The following USP24 variants were observed in gnomAD, a reference collection of about 807,000 sequenced individuals.
The protein encoded by USP24 is ubiquitin carboxyl-terminal hydrolase 24.
Under a neutral mutation model 361.6 loss-of-function variants are expected in USP24, and 97 were observed. The observed-to-expected ratio is 0.27, with a 90% CI of 0.23 to 0.32. USP24 has a LOEUF of 0.32. Among genes scored for constraint, USP24 ranks in the 10% least tolerant of loss-of-function variants. USP24 has a pLI of 1.00. For synonymous variants in USP24, 1,098 were observed against 1,124.6 expected, an observed-to-expected ratio of 0.98 and a Z score of 0.47; for missense variants, 2,353 against 3,165.6, an observed-to-expected ratio of 0.74 and a Z score of 6.16.
intron 51 of USP24, 146 bp from the exon 52 acceptor site, chr1:55,094,233 A>G: frequency 4.0e-6 from 3 of 758,526 alleles, no homozygotes; most frequent in Non-Finnish European, 6.0e-6. Context: ...CCACATAAAT[A>G]TATACAATCA....
At chr1:55,114,497 A>T (rs1646047630) in intron 38 of USP24, among the ~76,000 whole-genome samples, 1 of 152,198 alleles carries the variant, frequency 6.6e-6, no homozygotes, top group African/African-American at 2.4e-5. Context: ...AAACTATACT[A>T]CAAGGCTACA....
rs960030052 is a variant in USP24, at chr1:55,078,613, C to T, written c.7239G>A (p.Leu2413=). ...AGTACACTACCATCTCAATGAGTGC[C>T]AAGAGCGAGCCTGTCAGCTCCCGCA... ...FALRELTGSL[L]ALIEMVVYCC... is the part of the protein sequence containing the mutation. Residue 2413 remains leucine (L), a synonymous_variant, in exon 61 of 68, where the codon TTG becomes TTA. Coordinates refer to ENST00000294383, the MANE Select transcript of USP24 (RefSeq NM_015306.3). The T allele has an allele frequency of 1.2e-6, 2 of 1,611,100 alleles. No homozygotes were observed. Among genetic ancestry groups the T allele is most frequent in the African/African-American group, 2.7e-5 (2 of 74,824 alleles).
intron 43 of USP24, among the ~76,000 whole-genome samples, chr1:55,101,261 A>G (rs1645626914): frequency 6.6e-6 from 1 of 152,246 alleles, no homozygotes; most frequent in African/African-American, 2.4e-5. Context: ...ATATTATTGT[A>G]AAGTGCTCAT....
At chr1:55,159,140 G>T in intron 9 of USP24, 104 bp from the exon 10 acceptor site, 1 of 1,056,820 alleles carries the variant, frequency 9.5e-7, no homozygotes, top group Non-Finnish European at 1.3e-6. Flanking sequence ...TGGTCTGGCA[G>T]TATCTGATAT....
At chr1:55,108,112 T>C (rs1645842755) in intron 39 of USP24, among the ~76,000 whole-genome samples, 1 of 151,770 alleles carries the variant, frequency 6.6e-6, no homozygotes, top group South Asian at 2.1e-4. Context: ...GGTAGAAGGG[T>C]ATAAGGAGAA....
At chr1:55,171,527 A>G (rs748212530) in intron 5 of USP24, 29 bp downstream of exon 5, 2 of 1,582,864 alleles carry the variant, frequency 1.3e-6, no homozygotes, top group South Asian at 1.2e-5. Flanking sequence ...ACATTTTTCT[A>G]TAAAAAGATG....
intron 1 of USP24, among the ~76,000 whole-genome samples, chr1:55,193,613 T>C (rs150227445): frequency 4.4e-4 from 67 of 152,132 alleles, no homozygotes; most frequent in Middle Eastern, 3.4e-3. Flanking sequence ...AGGAGAGATA[T>C]GGTAAAGGGG....
intron 1 of USP24, among the ~76,000 whole-genome samples, chr1:55,206,092 T>C (rs1644695496): frequency 6.6e-6 from 1 of 152,214 alleles, no homozygotes. Context: ...GGCTGAATAC[T>C]CTTTCAAATA....
intron 44 of USP24, 119 bp downstream of exon 44, chr1:55,100,718 TAC>T (rs1291266781): frequency 9.1e-7 from 1 of 1,094,294 alleles, no homozygotes; most frequent in South Asian, 2.7e-5. Context: ...CAAATCCTTT[TAC>T]AGTTTCTTGG....
rs1395079221 is a variant in USP24, at chr1:55,147,222, G to A, written c.2119-162C>T. 2.0e-5 allele frequency among the ~76,000 whole-genome samples: 3 copies of A among 152,186 alleles called. No homozygotes were observed. The East Asian group carries it at 5.8e-4, about 29-fold the overall frequency. ...TTAGAATTCTGTTTACAAATTGATA[G>A]TACAATGTAATAGAAGCTATCTATC... On this transcript the variant is annotated intron_variant, in intron 18 of 67. Coordinates refer to ENST00000294383, the MANE Select transcript of USP24 (RefSeq NM_015306.3).
chr1:55,191,487 G>A (rs1644285427), intron 1 of USP24, among the ~76,000 whole-genome samples: 2 of 126,308 alleles, frequency 1.6e-5, no homozygotes, highest in Non-Finnish European at 1.6e-5. Flanking sequence ...GATCAATATG[G>A]CACTTTCTTT....
At chr1:55,123,269 A>G (rs1191156781) in intron 36 of USP24, among the ~76,000 whole-genome samples, 178 bp downstream of exon 36, 6 of 152,224 alleles carry the variant, frequency 3.9e-5, no homozygotes, top group African/African-American at 1.4e-4. Flanking sequence ...AAGGTGCTCA[A>G]TAAATATTTC....
At chr1:55,155,916 C>A (rs916281986) in intron 12 of USP24, among the ~76,000 whole-genome samples, 9 of 152,190 alleles carry the variant, frequency 5.9e-5, no homozygotes, top group African/African-American at 2.2e-4. Flanking sequence ...GAACTTAATA[C>A]CCCTTCCTTC....
Position 55,132,712 on chromosome 1 carries a change from A to C in USP24, c.3382-12T>G. 3 of 1,607,312 alleles carry C rather than the reference A, an allele frequency of 1.9e-6. No individual in the cohort carries two copies. Among genetic ancestry groups the C allele is most frequent in the Non-Finnish European group, 2.6e-6 (3 of 1,176,334 alleles). ...GACAGCAATGTTTTCTAAGTTTAAG[A>C]GAATGAGAAAGACATAAACTACTTA... On this transcript the variant is annotated splice_polypyrimidine_tract_variant and intron_variant, in intron 30 of 67. Transcript: ENST00000294383.
intron 67 of USP24, 150 bp downstream of exon 67, chr1:55,071,664 G>A: frequency 9.5e-7 from 1 of 1,049,854 alleles, no homozygotes; most frequent in Non-Finnish European, 1.4e-6. Flanking sequence ...TGCATATGCT[G>A]AGCTGAGATC....
Position 55,100,944 on chromosome 1 carries a change from A to G in USP24, c.5166T>C (p.Asp1722=). The change falls in exon 44 of 68, where the codon GAT becomes GAC. Residue 1722 remains aspartate (D), a synonymous_variant. Coordinates refer to ENST00000294383, the MANE Select transcript of USP24 (RefSeq NM_015306.3). The stretch of plus-strand genomic sequence containing the variant: ...CGCTATCATCTGGATTGTCTGTGTC[A>G]TCATCCACTGAAAGTAATGACTGCA... ...GLPESLLSVD[D]DTDNPDDSVF... 6.2e-7 allele frequency: 1 copy of G among 1,611,898 alleles called. No individual in the cohort carries two copies. Among genetic ancestry groups the G allele is most frequent in the South Asian group, 1.1e-5 (1 of 90,348 alleles).
At chr1:55,135,098 T>C (rs1372163213) in intron 28 of USP24, among the ~76,000 whole-genome samples, 1 of 152,216 alleles carries the variant, frequency 6.6e-6, no homozygotes, top group East Asian at 1.9e-4. Context: ...TTAGCTGCTA[T>C]AATATCATTC....
intron 46 of USP24, 128 bp from the exon 47 acceptor site, chr1:55,098,212 C>A: frequency 8.3e-7 from 1 of 1,203,382 alleles, no homozygotes; most frequent in Non-Finnish European, 1.1e-6. Context: ...TTTAAAAGTC[C>A]ATTACTAAGT....
Position 55,073,919 on chromosome 1 carries a change from A to G in USP24, c.7448-13T>C, listed in dbSNP as rs1458430366. On this transcript the variant is annotated splice_polypyrimidine_tract_variant and intron_variant, in intron 63 of 67. Coordinates refer to ENST00000294383, the MANE Select transcript of USP24 (RefSeq NM_015306.3). The stretch of plus-strand genomic sequence containing the variant: ...TGGTGCATCAAAGCTGAGGGAAGAG[A>G]AAAGGACATTTTAACAATAAAAGAC... The G allele has an allele frequency of 6.4e-7, 1 of 1,559,656 alleles. No individual in the cohort carries two copies. The highest frequency in any genetic ancestry group is 1.2e-5 in the South Asian group (1 of 84,234).
Sources: gnomAD v4.1 joint callset for allele counts (sites outside exome capture counted in the v4.1 genomes callset) on GRCh38, gnomAD v4.1.1 for gene constraint, MANE v1.5 for transcripts, NCBI Gene and HGNC (gene_info 2026-07-23, HGNC 2026-07-21) for gene names.